Variants in RNF180 observed in about 807,000 individuals in gnomAD.
RNF180 encodes the protein E3 ubiquitin-protein ligase RNF180.
Under a neutral mutation model 59.2 loss-of-function variants are expected in RNF180, and 38 were observed. That is an observed-to-expected ratio of 0.64 (90% CI 0.50 to 0.84). RNF180 has a LOEUF of 0.84. Among genes scored for constraint, RNF180 ranks in the 40% least tolerant of loss-of-function variants. RNF180 has a pLI of 0.00. For synonymous variants in RNF180, 262 were observed against 240.3 expected, an observed-to-expected ratio of 1.09 and a Z score of -0.84; for missense variants, 705 against 700.9, an observed-to-expected ratio of 1.01 and a Z score of -0.07.
chr5:64,300,673 A>G (rs1202693304), intron 5 of RNF180, among the ~76,000 whole-genome samples: 1 of 151,744 alleles, frequency 6.6e-6, no homozygotes, highest in Non-Finnish European at 1.5e-5. Flanking sequence ...GATCTTGAGC[A>G]TTTAAGTACT....
chr5:64,208,106 A>C (rs1244817568), intron 2 of RNF180, among the ~76,000 whole-genome samples: 1 of 152,084 alleles, frequency 6.6e-6, no homozygotes, highest in Non-Finnish European at 1.5e-5. Context: ...ATTAAGTGAT[A>C]TTTTTCTGTT....
chr5:64,217,958 T>G (rs551246205), intron 5 of RNF180, among the ~76,000 whole-genome samples: 1 of 152,210 alleles, frequency 6.6e-6, no homozygotes, highest in East Asian at 1.9e-4. Flanking sequence ...AAACAATCTT[T>G]TACTCACTTT....
chr5:64,186,498 T>G (rs1333365934), intron 1 of RNF180, among the ~76,000 whole-genome samples: 2 of 152,144 alleles, frequency 1.3e-5, no homozygotes, highest in Admixed American at 6.6e-5. Flanking sequence ...TTTTGCCTGT[T>G]CTCTCCCAGT....
intron 7 of RNF180, among the ~76,000 whole-genome samples, chr5:64,357,761 A>G (rs1010887728): frequency 2.0e-5 from 3 of 151,822 alleles, no homozygotes; most frequent in Admixed American, 6.6e-5. Flanking sequence ...AGTTCACTTT[A>G]TGGTCTTTGA....
chr5:64,293,030 C>T (rs1430929045), intron 5 of RNF180, among the ~76,000 whole-genome samples: 1 of 152,224 alleles, frequency 6.6e-6, no homozygotes, highest in African/African-American at 2.4e-5. Context: ...GGTCCCTCCT[C>T]ACCCTGTCTA....
At position 64,344,602 on chromosome 5, in the gene RNF180, G is replaced by T. The variant is rs544187864; in HGVS notation, c.1579+14196G>T. On this transcript the variant is annotated intron_variant, in intron 7 of 7. Transcript: ENST00000389100. ...ATAGTGGCTAATCTGAAAGTTTGGG[G>T]CTTGTGTTATTAGCAGCGGTCTCTG... 6.6e-5 allele frequency among the ~76,000 whole-genome samples: 10 copies of T among 152,162 alleles called. No individual in the cohort carries two copies. The South Asian group carries it at 2.1e-3, about 32-fold the overall frequency.
intron 5 of RNF180, among the ~76,000 whole-genome samples, chr5:64,277,846 C>T (rs1257883046): frequency 6.6e-6 from 1 of 152,074 alleles, no homozygotes; most frequent in Non-Finnish European, 1.5e-5. Context: ...CATACTTTTC[C>T]TTTGGTCTCA....
chr5:64,307,845 A>G (rs1743556393), intron 5 of RNF180, among the ~76,000 whole-genome samples: 1 of 151,774 alleles, frequency 6.6e-6, no homozygotes, highest in African/African-American at 2.4e-5. Context: ...AACATGTATC[A>G]CTTTTGCACC....
intron 5 of RNF180, among the ~76,000 whole-genome samples, chr5:64,319,446 A>T (rs1438067702): frequency 6.6e-6 from 1 of 152,236 alleles, no homozygotes; most frequent in African/African-American, 2.4e-5. Flanking sequence ...TATATGAAAT[A>T]ATATGAATGA....
chr5:64,328,998 C>T (rs934260308), intron 6 of RNF180, among the ~76,000 whole-genome samples: 15 of 152,110 alleles, frequency 9.9e-5, no homozygotes, highest in Non-Finnish European at 1.5e-4. Context: ...GAGTTTCTAC[C>T]GTTTAAAATG....
At chr5:64,223,264 C>G (rs904456322) in intron 5 of RNF180, among the ~76,000 whole-genome samples, 1 of 152,138 alleles carries the variant, frequency 6.6e-6, no homozygotes, top group Admixed American at 6.5e-5. Context: ...TCTTTCTGAC[C>G]CTTTAAGGAC....
chr5:64,246,534 A>G (rs1743176705), intron 5 of RNF180, among the ~76,000 whole-genome samples: 2 of 152,236 alleles, frequency 1.3e-5, no homozygotes, highest in South Asian at 4.1e-4. Flanking sequence ...ATTCCTGGAC[A>G]CATACACCCT....
chr5:64,372,514 C>G lies in RNF180; in HGVS notation c.*2700C>G, dbSNP rs1484679825. The G allele has an allele frequency of 6.6e-6, 1 of 151,892 alleles. No homozygotes were observed. The highest frequency in any genetic ancestry group is 1.5e-5 in the Non-Finnish European group (1 of 67,904). 9.4% of individuals were successfully genotyped at this position (151,892 alleles called of 1,614,324 possible). A position where few individuals can be genotyped will look rare whatever the true frequency, so the allele number is the denominator to read the frequency against. ...TTGGAATCTTGCTCCTAAGTTAGCT[C>G]TGTGGCATAACAAAATTCCAGTTAA... On this transcript the variant is annotated 3_prime_UTR_variant, in exon 8 of 8. Transcript: ENST00000389100.
At chr5:64,327,815 T>C (rs1580259668) in intron 6 of RNF180, among the ~76,000 whole-genome samples, 1 of 152,188 alleles carries the variant, frequency 6.6e-6, no homozygotes, top group Non-Finnish European at 1.5e-5. Flanking sequence ...TTAAATCCAA[T>C]GTTTGTTAAT....
intron 7 of RNF180, among the ~76,000 whole-genome samples, chr5:64,363,315 A>T (rs902432343): frequency 6.6e-6 from 1 of 151,860 alleles, no homozygotes; most frequent in Non-Finnish European, 1.5e-5. Flanking sequence ...ACGTGTAGCA[A>T]GCCAGTTATC....
chr5:64,340,161 T>C (rs1406314918), intron 7 of RNF180, among the ~76,000 whole-genome samples: 1 of 152,156 alleles, frequency 6.6e-6, no homozygotes, highest in Non-Finnish European at 1.5e-5. Context: ...TATACACACA[T>C]ACACACACAA....
intron 5 of RNF180, among the ~76,000 whole-genome samples, chr5:64,255,384 C>A (rs1051709975): frequency 3.9e-5 from 6 of 152,174 alleles, no homozygotes; most frequent in Admixed American, 3.9e-4. Context: ...GGTGTGTGAT[C>A]TTCCCCTTCC....
intron 2 of RNF180, among the ~76,000 whole-genome samples, chr5:64,203,486 C>T (rs935649650): frequency 6.6e-6 from 1 of 152,020 alleles, no homozygotes; most frequent in Admixed American, 6.6e-5. Flanking sequence ...CTGCTCCCAT[C>T]CCCAGGCAAC....
intron 5 of RNF180, among the ~76,000 whole-genome samples, chr5:64,266,959 G>A (rs189580077): frequency 1.3e-5 from 2 of 152,134 alleles, no homozygotes; most frequent in East Asian, 3.9e-4. Context: ...TGAACTATTT[G>A]TTGCTTGGAT....
Sources: allele counts gnomAD v4.1 joint callset (sites outside exome capture counted in the v4.1 genomes callset), GRCh38; gene constraint gnomAD v4.1.1; transcripts MANE v1.5; gene names NCBI Gene and HGNC (gene_info 2026-07-23, HGNC 2026-07-21).